The following CPNE8 variants were observed in gnomAD, a reference collection of about 807,000 sequenced individuals.
The protein encoded by CPNE8 is copine 8, also known as copine-8.
Under a neutral mutation model 81.5 loss-of-function variants are expected in CPNE8, and 45 were observed. The ratio of observed to expected loss-of-function variants is 0.55; its 90% CI spans 0.44 to 0.71. The LOEUF is 0.71. Ranked by LOEUF, CPNE8 falls within the 30% of genes least tolerant of loss-of-function variation. CPNE8 has a pLI of 0.00. For synonymous variants in CPNE8, 252 were observed against 226.3 expected (o/e 1.11, Z -1.02); for missense variants, 594 against 672.1 (o/e 0.88, Z 1.28).
At chr12:38,809,098 C>T (rs1035847726) in intron 6 of CPNE8, among the ~76,000 whole-genome samples, 2 of 152,210 alleles carry the variant, frequency 1.3e-5, no homozygotes, top group East Asian at 1.9e-4. Flanking sequence ...CTGCTTATGT[C>T]AGTTTTCTAA....
chr12:38,815,958 T>C (rs1162216137), intron 6 of CPNE8, among the ~76,000 whole-genome samples: 1 of 152,216 alleles, frequency 6.6e-6, no homozygotes, highest in African/African-American at 2.4e-5. Context: ...TCCTAGCTCT[T>C]ACATACCACA....
At chr12:38,780,230 G>A (rs1370524458) in intron 6 of CPNE8, among the ~76,000 whole-genome samples, 1 of 151,990 alleles carries the variant, frequency 6.6e-6, no homozygotes, top group African/African-American at 2.4e-5. Flanking sequence ...ATATATGTTT[G>A]GATTAGACAA....
intron 6 of CPNE8, among the ~76,000 whole-genome samples, chr12:38,794,029 G>T (rs1210181451): frequency 6.6e-6 from 1 of 152,028 alleles, no homozygotes; most frequent in Non-Finnish European, 1.5e-5. Context: ...TGAATGTTTT[G>T]GATGCTTATC....
chr12:38,902,335 A>AGAAG, intron 1 of CPNE8, among the ~76,000 whole-genome samples: 1 of 75,208 alleles, frequency 1.3e-5, no homozygotes, highest in East Asian at 3.2e-4. Flanking sequence ...AAAGAAAGAA[A>AGAAG]GAAAGAAAGA....
At chr12:38,819,933 A>T (rs913340219) in intron 6 of CPNE8, among the ~76,000 whole-genome samples, 1 of 152,108 alleles carries the variant, frequency 6.6e-6, no homozygotes, top group Non-Finnish European at 1.5e-5. Flanking sequence ...TAACTACAGA[A>T]CTAATATTCT....
At chr12:38,793,879 T>A (rs1473789722) in intron 6 of CPNE8, among the ~76,000 whole-genome samples, 1 of 151,982 alleles carries the variant, frequency 6.6e-6, no homozygotes, top group Non-Finnish European at 1.5e-5. Flanking sequence ...ACAAATAGAC[T>A]AATGACATAT....
intron 1 of CPNE8, among the ~76,000 whole-genome samples, chr12:38,895,534 C>G (rs1391745486): frequency 6.6e-6 from 1 of 152,030 alleles, no homozygotes; most frequent in Non-Finnish European, 1.5e-5. Context: ...CATTAGGTAA[C>G]TCAGCATCAG....
In CPNE8 at chr12:38,653,907, G is replaced by A. The variant is rs1290663741; in HGVS notation, c.1670C>T (p.Thr557Ile). The stretch of plus-strand genomic sequence containing the variant: ...TCATATTTGAGTCTGTAACACATGT[G>A]TAGGTGGGGTGTATGGGGGAGGCGC... ...SPAPPPYTPP[T>I]HVLQTQI is the part of the protein sequence containing the mutation. Residue 557 changes from threonine (T) to isoleucine (I), a missense_variant, in exon 20 of 20, where the codon ACA (threonine) becomes ATA (isoleucine). Transcript: ENST00000331366. 6.2e-7 allele frequency: 1 copy of A among 1,613,354 alleles called. No individual in the cohort carries two copies. Among genetic ancestry groups the A allele is most frequent in the African/African-American group, 1.3e-5 (1 of 75,010 alleles).
At chr12:38,734,867 T>C (rs1940916986) in intron 10 of CPNE8, among the ~76,000 whole-genome samples, 1 of 152,136 alleles carries the variant, frequency 6.6e-6, no homozygotes, top group Non-Finnish European at 1.5e-5. Context: ...TATGAATGGA[T>C]GTGTGTTGTC....
chr12:38,822,902 C>G (rs886645400), intron 6 of CPNE8, among the ~76,000 whole-genome samples: 1 of 152,138 alleles, frequency 6.6e-6, no homozygotes, highest in Non-Finnish European at 1.5e-5. Context: ...ATAACAATAT[C>G]AATTTAATTA....
intron 6 of CPNE8, among the ~76,000 whole-genome samples, chr12:38,792,809 A>G (rs1942356973): frequency 6.6e-6 from 1 of 151,904 alleles, no homozygotes; most frequent in African/African-American, 2.4e-5. Flanking sequence ...AATATCCCTG[A>G]TGAATATTGA....
chr12:38,891,254 T>C (rs1944311011), intron 1 of CPNE8, among the ~76,000 whole-genome samples: 1 of 152,022 alleles, frequency 6.6e-6, no homozygotes, highest in Admixed American at 6.6e-5. Context: ...ATATTTAGAA[T>C]GTACTGTGGC....
chr12:38,723,924 C>A, intron 12 of CPNE8, 91 bp from the exon 13 acceptor site: 1 of 743,838 alleles, frequency 1.3e-6, no homozygotes, highest in Non-Finnish European at 2.3e-6. Context: ...TATTTCTTTG[C>A]ATTTTGAAAC....
At position 38,770,928 on chromosome 12, in the gene CPNE8, T is replaced by C. The variant is rs150736211; in HGVS notation, c.472-3190A>G. On this transcript the variant is annotated intron_variant, in intron 7 of 19. Transcript: ENST00000331366. Reference sequence around the variant, plus strand: ...GAATCACTTGTCACATATCATGACATATATTACCTGCATAGTCAGCCGACT... The same window carrying C: ...GAATCACTTGTCACATATCATGACACATATTACCTGCATAGTCAGCCGACT... Among the ~76,000 whole-genome samples the C allele has an allele frequency of 6.9e-3, 1,053 of 152,270 alleles. 5 individuals carry two copies. The highest frequency in any genetic ancestry group is 0.011 in the Non-Finnish European group (777 of 68,024).
chr12:38,860,970 A>G (rs932208211), intron 3 of CPNE8, among the ~76,000 whole-genome samples: 3 of 152,196 alleles, frequency 2.0e-5, no homozygotes, highest in African/African-American at 4.8e-5. Flanking sequence ...ATACTTAAAA[A>G]TTTGCTAAAA....
chr12:38,798,927 C>A (rs1214862485), intron 6 of CPNE8, among the ~76,000 whole-genome samples: 3 of 152,128 alleles, frequency 2.0e-5, no homozygotes, highest in Admixed American at 6.5e-5. Flanking sequence ...GACTTTAAAC[C>A]AACAAAGATC....
intron 19 of CPNE8, among the ~76,000 whole-genome samples, chr12:38,658,867 C>G (rs890706578): frequency 2.6e-5 from 4 of 152,120 alleles, no homozygotes; most frequent in African/African-American, 9.7e-5. Context: ...TTTGTCACCA[C>G]CAGGCCTGCC....
At chr12:38,697,763 T>C (rs1939832178) in intron 14 of CPNE8, among the ~76,000 whole-genome samples, 1 of 152,060 alleles carries the variant, frequency 6.6e-6, no homozygotes, top group Non-Finnish European at 1.5e-5. Context: ...ACTCTGTTAG[T>C]TCACGTGAGA....
chr12:38,782,157 G>A (rs1017235580), intron 6 of CPNE8, among the ~76,000 whole-genome samples: 1 of 152,038 alleles, frequency 6.6e-6, no homozygotes, highest in African/African-American at 2.4e-5. Flanking sequence ...GGTGTGACAG[G>A]AATACAGGAA....
Sources: allele counts gnomAD v4.1 joint callset (sites outside exome capture counted in the v4.1 genomes callset), GRCh38; gene constraint gnomAD v4.1.1; transcripts MANE v1.5; gene names NCBI Gene and HGNC (gene_info 2026-07-23, HGNC 2026-07-21).